Variants in ANKRD6 observed in about 807,000 individuals in gnomAD.
ANKRD6 encodes the protein ankyrin repeat domain 6.
A neutral mutation model predicts 82.3 loss-of-function variants in ANKRD6; 56 were observed. That is an observed-to-expected ratio of 0.68 (90% CI 0.55 to 0.85). The LOEUF is 0.85. Ranked by LOEUF, ANKRD6 falls within the 40% of genes least tolerant of loss-of-function variation. The pLI is 0.00. For synonymous variants in ANKRD6, 347 were observed against 352.1 expected, an observed-to-expected ratio of 0.99 and a Z score of 0.16; for missense variants, 852 against 907.6, an observed-to-expected ratio of 0.94 and a Z score of 0.79.
chr6:89,631,271 G>A lies in ANKRD6; in HGVS notation c.*267G>A. Reference sequence around the variant, plus strand: ...CTCAGTCCAGGTTAATCTGAAGTTTGAAAGCTCAGATTAAGCAAGCCATGC... The same window carrying A: ...CTCAGTCCAGGTTAATCTGAAGTTTAAAAGCTCAGATTAAGCAAGCCATGC... On this transcript the variant is annotated 3_prime_UTR_variant, in exon 16 of 16. Coordinates refer to ENST00000339746, the MANE Select transcript of ANKRD6 (RefSeq NM_001242809.2). 2.6e-6 allele frequency: 1 copy of A among 377,928 alleles called. No homozygotes were observed. The highest frequency in any genetic ancestry group is 5.5e-5 in the East Asian group (1 of 18,164). 23.4% of individuals were successfully genotyped at this position (377,928 alleles called of 1,614,324 possible). A position where few individuals can be genotyped will look rare whatever the true frequency, so the allele number is the denominator to read the frequency against.
intron 2 of ANKRD6, among the ~76,000 whole-genome samples, chr6:89,592,480 A>G (rs1795095604): frequency 6.6e-6 from 1 of 152,164 alleles, no homozygotes; most frequent in African/African-American, 2.4e-5. Flanking sequence ...TGGGATTCAA[A>G]CTAAGCTCTG....
intron 1 of ANKRD6, among the ~76,000 whole-genome samples, chr6:89,446,844 C>T (rs1417815319): frequency 6.6e-6 from 1 of 152,184 alleles, no homozygotes; most frequent in Non-Finnish European, 1.5e-5. Flanking sequence ...AGTGAGTTCT[C>T]ACGAGATTGG....
chr6:89,494,610 C>A (rs1778385293), intron 1 of ANKRD6, among the ~76,000 whole-genome samples: 2 of 152,114 alleles, frequency 1.3e-5, no homozygotes, highest in South Asian at 4.1e-4. Context: ...GGTGGGGAAA[C>A]CTCAACATTG....
intron 2 of ANKRD6, among the ~76,000 whole-genome samples, chr6:89,589,245 TCATGGCCCTGGG>T (rs1207451132): frequency 6.6e-6 from 1 of 152,062 alleles, no homozygotes; most frequent in Non-Finnish European, 1.5e-5. Flanking sequence ...GGGACCAGGG[TCATGGCCCTGGG>T]CTCCCAGGCC....
intron 1 of ANKRD6, among the ~76,000 whole-genome samples, chr6:89,458,601 A>G (rs1479891894): frequency 2.0e-5 from 3 of 152,176 alleles, no homozygotes; most frequent in African/African-American, 7.2e-5. Context: ...AGCACGGGAG[A>G]AAGATGAAGG....
chr6:89,617,069 C>T, intron 8 of ANKRD6: 6 of 391,702 alleles, frequency 1.5e-5, no homozygotes, highest in South Asian at 1.1e-4. Flanking sequence ...TTTGCCTGAC[C>T]TCACTGTTTC....
rs398002270 is a variant in ANKRD6, at chr6:89,498,535, T to TC, written c.-144+65160_-144+65161insC. ...CCCTTTATATATATATATTTTTTTT[T>TC]ACCTTGTTTACATTTTGCTTTTATT... is the stretch of plus-strand genomic sequence containing the variant. On this transcript the variant is annotated intron_variant, in intron 1 of 15. Coordinates refer to ENST00000339746, the MANE Select transcript of ANKRD6 (RefSeq NM_001242809.2). 2.0e-5 allele frequency among the ~76,000 whole-genome samples: 3 copies of TC among 152,090 alleles called. No individual in the cohort carries two copies. The East Asian group carries it at 5.8e-4, about 29-fold the overall frequency.
chr6:89,466,721 T>C (rs912670587), intron 1 of ANKRD6, among the ~76,000 whole-genome samples: 11 of 152,298 alleles, frequency 7.2e-5, no homozygotes, highest in Non-Finnish European at 1.5e-4. Context: ...TTGGTTTGTT[T>C]TTTGAGACAA....
chr6:89,494,548 T>C lies in ANKRD6; in HGVS notation c.-144+61173T>C, dbSNP rs1429310456. ...GTGTTTTGCATACTCACAAAGACCATTAATAGGAACCTGGTTTTCACTGTG... is the reference window on the plus strand; with the variant it reads ...GTGTTTTGCATACTCACAAAGACCACTAATAGGAACCTGGTTTTCACTGTG... On this transcript the variant is annotated intron_variant, in intron 1 of 15. Transcript: ENST00000339746. Among the ~76,000 whole-genome samples the C allele has an allele frequency of 3.3e-5, 5 of 152,162 alleles. No homozygotes were observed. The East Asian group carries it at 9.6e-4, about 29-fold the overall frequency.
chr6:89,515,505 C>T (rs1038190475), intron 1 of ANKRD6, among the ~76,000 whole-genome samples: 2 of 152,150 alleles, frequency 1.3e-5, no homozygotes, highest in Non-Finnish European at 2.9e-5. Flanking sequence ...TTGGTATGGT[C>T]GGCAGGTAAA....
intron 1 of ANKRD6, among the ~76,000 whole-genome samples, chr6:89,475,284 CAG>C (rs1775914503): frequency 6.6e-6 from 1 of 152,324 alleles, no homozygotes. Context: ...GCAAAAATAT[CAG>C]AGTCATGCAC....
chr6:89,518,898 G>A (rs1201129599), intron 1 of ANKRD6, among the ~76,000 whole-genome samples: 2 of 152,218 alleles, frequency 1.3e-5, no homozygotes, highest in Non-Finnish European at 2.9e-5. Context: ...AAAATTCCAA[G>A]ATCAGTGTGT....
intron 1 of ANKRD6, among the ~76,000 whole-genome samples, chr6:89,545,643 A>T (rs1218719745): frequency 6.6e-6 from 1 of 152,196 alleles, no homozygotes; most frequent in East Asian, 1.9e-4. Context: ...GTTGCCCCTG[A>T]AGTTTTTCAA....
intron 11 of ANKRD6, 28 bp from the exon 12 acceptor site, chr6:89,623,843 CA>C (rs762207122): frequency 6.3e-7 from 1 of 1,598,622 alleles, no homozygotes; most frequent in East Asian, 2.2e-5. Flanking sequence ...TCAAAGCGTT[CA>C]GGGGTGTTGT....
intron 1 of ANKRD6, among the ~76,000 whole-genome samples, chr6:89,434,573 C>A (rs1308061357): frequency 6.6e-6 from 1 of 152,140 alleles, no homozygotes; most frequent in African/African-American, 2.4e-5. Context: ...ATCTTCCCAC[C>A]TCAGCCTGGG....
intron 1 of ANKRD6, among the ~76,000 whole-genome samples, chr6:89,560,029 C>A (rs923832509): frequency 6.6e-6 from 1 of 152,030 alleles, no homozygotes; most frequent in Non-Finnish European, 1.5e-5. Flanking sequence ...TCTGTGTTCC[C>A]GGCACCATGA....
chr6:89,476,511 C>T (rs1410913950), intron 1 of ANKRD6, among the ~76,000 whole-genome samples: 2 of 152,174 alleles, frequency 1.3e-5, no homozygotes, highest in African/African-American at 4.8e-5. Flanking sequence ...ACAAAACTGT[C>T]TTATAAGCTG....
intron 1 of ANKRD6, among the ~76,000 whole-genome samples, chr6:89,471,686 T>G (rs912184885): frequency 6.6e-6 from 1 of 152,010 alleles, no homozygotes; most frequent in Admixed American, 6.6e-5. Flanking sequence ...AGGATTCACA[T>G]TTCAAATCCT....
At chr6:89,438,615 A>G (rs1398180209) in intron 1 of ANKRD6, among the ~76,000 whole-genome samples, 1 of 152,172 alleles carries the variant, frequency 6.6e-6, no homozygotes, top group Admixed American at 6.5e-5. Flanking sequence ...TAACTGGTCA[A>G]TTAAGTGTAA....
Sources: allele counts gnomAD v4.1 joint callset (sites outside exome capture counted in the v4.1 genomes callset), GRCh38; gene constraint gnomAD v4.1.1; transcripts MANE v1.5; gene names NCBI Gene and HGNC (gene_info 2026-07-23, HGNC 2026-07-21).